The following TEX15 variants were observed in gnomAD, a reference collection of about 807,000 sequenced individuals.
TEX15 encodes testis-expressed protein 15.
Under a neutral mutation model 237.3 loss-of-function variants are expected in TEX15, and 171 were observed. The observed-to-expected ratio is 0.72, with a 90% CI of 0.64 to 0.82. The LOEUF (loss-of-function observed/expected upper bound fraction) is 0.82. TEX15 is among the 40% of genes least tolerant of loss of function. TEX15 has a pLI of 0.00. For missense variants in TEX15, 3,750 were observed against 3,646.5 expected (o/e 1.03, Z -0.73); for synonymous variants, 1,338 against 1,269.8 (o/e 1.05, Z -1.14).
intron 6 of TEX15, 43 bp from the exon 7 acceptor site, chr8:30,858,873 CAG>C: frequency 7.2e-7 from 1 of 1,397,166 alleles, no homozygotes; most frequent in Non-Finnish European, 9.4e-7. Context: ...TTTTGGCAAT[CAG>C]AGTTGAATAA....
chr8:30,866,356 GA>G (rs1365593870), intron 5 of TEX15, among the ~76,000 whole-genome samples: 1 of 146,984 alleles, frequency 6.8e-6, no homozygotes, highest in Non-Finnish European at 1.5e-5. Context: ...AAGGAGAAAG[GA>G]GAAAGGGGAA....
intron 1 of TEX15, 139 bp downstream of exon 1, chr8:30,912,740 T>G (rs1375205797): frequency 6.6e-6 from 1 of 152,230 alleles, no homozygotes; most frequent in Non-Finnish European, 1.5e-5. Flanking sequence ...AAAAATAAAT[T>G]TAATCGGGAA....
At position 30,842,958 on chromosome 8, in the gene TEX15, T is replaced by A; in HGVS notation, c.7209A>T (p.Lys2403Asn). ...TATTATCTTGTAGCATCTGAAAGTATTTTTTTAAAATTTCTAAGTGATCTG... is the reference window on the plus strand; with the variant it reads ...TATTATCTTGTAGCATCTGAAAGTAATTTTTTAAAATTTCTAAGTGATCTG... ...RCTDHLEILK[K>N]YFQMLQDNNM... The change falls in exon 8 of 11, where the codon AAA (lysine) becomes AAT (asparagine). Residue 2403 changes from lysine (K) to asparagine (N), a missense_variant. Physicochemically the swap from Lys to Asn is moderately conservative, Grantham distance 94. Transcript: ENST00000643185. The A allele has an allele frequency of 6.2e-7, 1 of 1,610,674 alleles. No homozygotes were observed. Among genetic ancestry groups the A allele is most frequent in the Non-Finnish European group, 8.5e-7 (1 of 1,178,914 alleles).
At chr8:30,859,355 A>G (rs982666265) in intron 6 of TEX15, among the ~76,000 whole-genome samples, 1 of 152,032 alleles carries the variant, frequency 6.6e-6, no homozygotes, top group African/African-American at 2.4e-5. Flanking sequence ...TCTTTTTCCT[A>G]CTTTTGCAAA....
intron 4 of TEX15, 133 bp downstream of exon 4, chr8:30,874,804 A>G (rs539803694): frequency 2.0e-6 from 1 of 508,662 alleles, no homozygotes; most frequent in South Asian, 1.1e-4. Flanking sequence ...GACTATGAGA[A>G]TGTAACAAAA....
intron 10 of TEX15, among the ~76,000 whole-genome samples, chr8:30,833,987 T>C (rs977217336): frequency 2.0e-5 from 3 of 152,142 alleles, no homozygotes; most frequent in Non-Finnish European, 4.4e-5. Context: ...AAGCCCAAAC[T>C]ATGAGAACCC....
chr8:30,846,055 C>T lies in TEX15; in HGVS notation c.4112G>A (p.Cys1371Tyr). The change falls in exon 8 of 11, where the codon TGT (cysteine) becomes TAT (tyrosine). Residue 1371 changes from cysteine to tyrosine, a missense_variant. Physicochemically the swap from Cys to Tyr is radical, Grantham distance 194. Coordinates refer to ENST00000643185, the MANE Select transcript of TEX15 (RefSeq NM_001350162.2). ...TTTTCTGGAAAGACATTTGCTTTTA[C>T]ATAAAGATGCTTCATCACTTAGGAT... Reference protein sequence around the residue: ...LNILSDEASLCKSKCLSRKLD... With the variant: ...LNILSDEASLYKSKCLSRKLD... The T allele has an allele frequency of 1.2e-6, 2 of 1,613,338 alleles. No homozygotes were observed. Among genetic ancestry groups the T allele is most frequent in the Admixed American group, 1.7e-5 (1 of 59,982 alleles).
At chr8:30,882,424 C>A (rs1335681418) in intron 3 of TEX15, among the ~76,000 whole-genome samples, 1 of 152,138 alleles carries the variant, frequency 6.6e-6, no homozygotes, top group Non-Finnish European at 1.5e-5. Context: ...GTAGCTGGGA[C>A]TACAGGCGGC....
intron 3 of TEX15, among the ~76,000 whole-genome samples, chr8:30,882,604 T>C (rs763083618): frequency 6.6e-6 from 1 of 152,124 alleles, no homozygotes; most frequent in Non-Finnish European, 1.5e-5. Flanking sequence ...TTTAACTATG[T>C]TGACATGTAT....
At chr8:30,889,483 T>G (rs1808737685) in intron 2 of TEX15, among the ~76,000 whole-genome samples, 1 of 152,002 alleles carries the variant, frequency 6.6e-6, no homozygotes, top group African/African-American at 2.4e-5. Context: ...TCAAGAAAGC[T>G]CAATGATTTC....
chr8:30,870,550 AT>A (rs1428021762), intron 4 of TEX15, among the ~76,000 whole-genome samples: 5 of 151,980 alleles, frequency 3.3e-5, no homozygotes, highest in Admixed American at 3.3e-4. Context: ...TCAAGTAAGT[AT>A]TTTTTTATAA....
Position 30,850,940 on chromosome 8 carries a change from T to TA in TEX15, c.851-1625dup, listed in dbSNP as rs1295824652. On this transcript the variant is annotated intron_variant, in intron 7 of 10. Coordinates refer to ENST00000643185, the MANE Select transcript of TEX15 (RefSeq NM_001350162.2). ...CCACTAAATAAACAGTAAGATCCAT[T>TA]AAAAAAAACTTTTTAAACTGGCAAA... is the stretch of plus-strand genomic sequence containing the variant. Among the ~76,000 whole-genome samples, 39 of 152,002 alleles carry TA rather than the reference T, an allele frequency of 2.6e-4. No homozygotes were observed. In the East Asian group the frequency reaches 7.3e-3, roughly 29 times the overall value.
At position 30,845,349 on chromosome 8, in the gene TEX15, A is replaced by C. The variant is rs1194417375; in HGVS notation, c.4818T>G (p.Cys1606Trp). The change falls in exon 8 of 11, where the codon TGT (cysteine) becomes TGG (tryptophan). Residue 1606 changes from cysteine to tryptophan, a missense_variant. By Grantham distance (215) the Cys-to-Trp change is radical. Transcript: ENST00000643185. ...TTTCATTTATTACTTCATTAGCGTC[A>C]CAACTGTTTTCTTTAGTTGCATCTT... ...NVKDATKENS[C>W]DANEVINESN... 2 of 1,612,076 alleles carry C rather than the reference A, an allele frequency of 1.2e-6. No homozygotes were observed. Among genetic ancestry groups the C allele is most frequent in the South Asian group, 1.1e-5 (1 of 90,944 alleles).
chr8:30,849,974 CTT>C (rs1162471331), intron 7 of TEX15, among the ~76,000 whole-genome samples: 5 of 151,950 alleles, frequency 3.3e-5, no homozygotes, highest in African/African-American at 7.3e-5. Context: ...TAACAGCTCT[CTT>C]ATATTAATTT....
At chr8:30,852,280 T>C (rs931246697) in intron 7 of TEX15, among the ~76,000 whole-genome samples, 10 of 151,856 alleles carry the variant, frequency 6.6e-5, no homozygotes, top group African/African-American at 2.4e-5. Flanking sequence ...TAATTTTTTG[T>C]ATTTTTAGTA....
In TEX15 at chr8:30,847,778, AATTTGAACTGTC is replaced by A; in HGVS notation, c.2377_2388del (p.Asp793_Asn796del). 1.9e-6 allele frequency: 3 copies of A among 1,613,756 alleles called. No individual in the cohort carries two copies. The highest frequency in any genetic ancestry group is 2.5e-6 in the Non-Finnish European group (3 of 1,179,938). ...CATATATGTTCTCTAGTTATGCTGC[AATTTGAACTGTC>A]ATGAGCTGTTTCTATGTTATAAGAT... is the stretch of plus-strand genomic sequence containing the variant. On this transcript the variant is annotated inframe_deletion, in exon 8 of 11. Transcript: ENST00000643185.
chr8:30,851,024 A>T (rs944860341), intron 7 of TEX15, among the ~76,000 whole-genome samples: 2 of 152,204 alleles, frequency 1.3e-5, no homozygotes, highest in African/African-American at 4.8e-5. Flanking sequence ...TGGTTCATGG[A>T]AGTATAAATT....
At chr8:30,909,370 C>CTCAG (rs1462576742) in intron 1 of TEX15, among the ~76,000 whole-genome samples, 3 of 151,300 alleles carry the variant, frequency 2.0e-5, no homozygotes, top group African/African-American at 7.3e-5. Context: ...GTGCCAAAGT[C>CTCAG]TCAGCTGCTG....
Position 30,874,964 on chromosome 8 carries a change from TCC to T in TEX15, c.273_274del (p.Glu92ThrfsTer8). The T allele has an allele frequency of 7.4e-7, 1 of 1,354,356 alleles. No homozygotes were observed. Among genetic ancestry groups the T allele is most frequent in the Non-Finnish European group, 9.5e-7 (1 of 1,053,466 alleles). The allele number at this position is 1,354,356 out of a possible 1,614,324, so 83.9% of individuals were successfully genotyped here. A position where few individuals can be genotyped will look rare whatever the true frequency, so the allele number is the denominator to read the frequency against. Reference sequence around the variant, plus strand: ...CTTAGCAGTAAAATTTTTTTCCAGTTCCTCATTGTGAACCAGTTTTGTATCCC... The same window carrying T: ...CTTAGCAGTAAAATTTTTTTCCAGTTTCATTGTGAACCAGTTTTGTATCCC... On this transcript the variant is annotated frameshift_variant, in exon 4 of 11. Transcript: ENST00000643185. LOFTEE classifies it high-confidence loss of function.
Sources: allele counts gnomAD v4.1 joint callset (sites outside exome capture counted in the v4.1 genomes callset), GRCh38; gene constraint gnomAD v4.1.1; transcripts MANE v1.5; gene names NCBI Gene and HGNC (gene_info 2026-07-23, HGNC 2026-07-21).